Variants in SORBS2 observed in about 807,000 individuals in gnomAD.
SORBS2 encodes the protein sorbin and SH3 domain containing 2.
In SORBS2, 46 loss-of-function variants were observed where a neutral mutation model predicts 97.7. The observed-to-expected ratio is 0.47, with a 90% CI of 0.37 to 0.60. SORBS2 has a LOEUF of 0.60. Ranked by LOEUF, SORBS2 falls within the 20% of genes least tolerant of loss-of-function variation. The pLI, the probability that SORBS2 is intolerant of heterozygous loss-of-function variation, is 0.00. For missense variants in SORBS2, 1,316 were observed against 1,282.3 expected (o/e 1.03, Z -0.40); for synonymous variants, 476 against 473.4 (o/e 1.01, Z -0.07).
At chr4:185,789,754 C>T (rs1448431903) in intron 1 of SORBS2, among the ~76,000 whole-genome samples, 1 of 151,996 alleles carries the variant, frequency 6.6e-6, no homozygotes, top group Non-Finnish European at 1.5e-5. Flanking sequence ...ATTTTTAATG[C>T]AATATTTCAT....
At chr4:185,646,564 T>G in intron 4 of SORBS2, 104 bp downstream of exon 13, 1 of 664,654 alleles carries the variant, frequency 1.5e-6, no homozygotes, top group Non-Finnish European at 2.7e-6. Context: ...TTCTAAGTGA[T>G]TACCTTTGTG....
Position 185,606,962 on chromosome 4 carries a change from G to C in SORBS2, c.2796+4818C>G. 2 of 993,622 alleles carry C rather than the reference G, an allele frequency of 2.0e-6. No individual in the cohort carries two copies. 61.6% of individuals were successfully genotyped at this position (993,622 alleles called of 1,614,324 possible). ...TTTCTCAACTCTGCAAAGTTGCTTT[G>C]AGTTGTCGTTCTGGGATCCTGAAGA... On this transcript the variant is annotated intron_variant, in intron 12 of 14. Transcript: ENST00000418609. The surrounding 1 kb of genome is among the most constrained non-coding windows in gnomAD (Gnocchi z 4.3).
intron 2 of SORBS2, among the ~76,000 whole-genome samples, chr4:185,690,848 G>C (rs749765350): frequency 6.6e-6 from 1 of 151,954 alleles, no homozygotes; most frequent in South Asian, 2.1e-4. Context: ...TTTGTTTAAT[G>C]GTGAGCATTA....
At chr4:185,824,750 A>T (rs998154102) in intron 1 of SORBS2, among the ~76,000 whole-genome samples, 3 of 152,158 alleles carry the variant, frequency 2.0e-5, no homozygotes, top group Non-Finnish European at 4.4e-5. Flanking sequence ...ATCTACCATT[A>T]TAAAATTGAA....
At chr4:185,665,528 T>C (rs559046456) in intron 4 of SORBS2, among the ~76,000 whole-genome samples, 2 of 152,366 alleles carry the variant, frequency 1.3e-5, no homozygotes, top group East Asian at 3.9e-4. Flanking sequence ...CTATAAGTAA[T>C]TCTAAAATGA....
At chr4:185,913,053 T>TA (rs1169524099) in intron 1 of SORBS2, among the ~76,000 whole-genome samples, 1 of 152,188 alleles carries the variant, frequency 6.6e-6, no homozygotes, top group Admixed American at 6.5e-5. Flanking sequence ...AGGGTTGCAT[T>TA]AAAAAATGTC....
intron 1 of SORBS2, among the ~76,000 whole-genome samples, chr4:185,819,749 G>A (rs2099195564): frequency 6.6e-6 from 1 of 152,168 alleles, no homozygotes; most frequent in Non-Finnish European, 1.5e-5. Flanking sequence ...GCCTGGGGGT[G>A]TCCTTGCCTA....
chr4:185,804,486 T>G (rs1252409659), intron 1 of SORBS2, among the ~76,000 whole-genome samples: 1 of 152,200 alleles, frequency 6.6e-6, no homozygotes, highest in African/African-American at 2.4e-5. Flanking sequence ...TCGGCGCATC[T>G]AAGACAAAGC....
intron 1 of SORBS2, among the ~76,000 whole-genome samples, chr4:185,873,189 T>C (rs1372793331): frequency 6.6e-6 from 1 of 152,222 alleles, no homozygotes; most frequent in Non-Finnish European, 1.5e-5. Flanking sequence ...GAATTCCTCA[T>C]CTGGTATGTT....
At chr4:185,622,798 A>T (rs933051175) in intron 7 of SORBS2, 116 bp downstream of exon 19, 33 of 1,066,976 alleles carry the variant, frequency 3.1e-5, no homozygotes, top group Non-Finnish European at 4.3e-5. Flanking sequence ...TTCACAACAC[A>T]TAACGACGCC....
chr4:185,766,684 T>C (rs990583669), intron 2 of SORBS2, among the ~76,000 whole-genome samples: 2 of 152,196 alleles, frequency 1.3e-5, no homozygotes, highest in African/African-American at 2.4e-5. Context: ...TGGAGCTAAA[T>C]TCAATACCAA....
At chr4:185,696,484 T>C (rs539164959) in intron 2 of SORBS2, among the ~76,000 whole-genome samples, 1 of 152,304 alleles carries the variant, frequency 6.6e-6, no homozygotes, top group African/African-American at 2.4e-5. Context: ...AGGTGGAATC[T>C]CACTCTGTTG....
At chr4:185,792,008 T>C (rs2099082373) in intron 1 of SORBS2, among the ~76,000 whole-genome samples, 1 of 152,250 alleles carries the variant, frequency 6.6e-6, no homozygotes. Context: ...TGTCCCAATT[T>C]AAAATTGATG....
intron 1 of SORBS2, among the ~76,000 whole-genome samples, chr4:185,912,912 T>C (rs1458101975): frequency 6.6e-6 from 1 of 152,210 alleles, no homozygotes; most frequent in Non-Finnish European, 1.5e-5. Context: ...AACAGCCGGA[T>C]ACTGCTGACA....
intron 4 of SORBS2, among the ~76,000 whole-genome samples, chr4:185,671,327 T>A (rs2097709425): frequency 6.6e-6 from 1 of 152,188 alleles, no homozygotes; most frequent in Non-Finnish European, 1.5e-5. Context: ...TCTGGGAAAG[T>A]GTCATATTTT....
intron 2 of SORBS2, among the ~76,000 whole-genome samples, chr4:185,726,924 G>A (rs60166910): frequency 0.015 from 2,244 of 152,210 alleles, 67 homozygotes; most frequent in African/African-American, 0.051. Flanking sequence ...TTTCTGGAAG[G>A]AACATAGGGT....
intron 2 of SORBS2, among the ~76,000 whole-genome samples, chr4:185,706,650 C>T (rs184580799): frequency 4.9e-4 from 74 of 152,282 alleles, no homozygotes; most frequent in African/African-American, 1.7e-3. Flanking sequence ...CCCTCAGCTC[C>T]ATGCATTTGA....
At chr4:185,874,310 C>T (rs540725552) in intron 1 of SORBS2, among the ~76,000 whole-genome samples, 2 of 152,124 alleles carry the variant, frequency 1.3e-5, no homozygotes, top group South Asian at 4.2e-4. Context: ...AACAGGCATG[C>T]ATAACTCGAG....
At chr4:185,733,513 T>C (rs889831181) in intron 2 of SORBS2, among the ~76,000 whole-genome samples, 1 of 152,056 alleles carries the variant, frequency 6.6e-6, no homozygotes, top group East Asian at 1.9e-4. Context: ...AAACTGCACA[T>C]TGGTGGGCTG....
Sources: gnomAD v4.1 joint callset for allele counts (sites outside exome capture counted in the v4.1 genomes callset) on GRCh38, gnomAD v4.1.1 for gene constraint, Gnocchi (gnomAD v3.1) non-coding constraint, MANE v1.5 for transcripts, NCBI Gene and HGNC (gene_info 2026-07-23, HGNC 2026-07-21) for gene names.